Variants in PIK3CB observed in about 807,000 individuals in gnomAD.
The protein encoded by PIK3CB is phosphatidylinositol 4,5-bisphosphate 3-kinase catalytic subunit beta isoform.
PIK3CB carries 39 observed loss-of-function variants against 136.8 expected under a neutral mutation model. The observed-to-expected ratio is 0.29, with a 90% confidence interval of 0.22 to 0.37. The LOEUF is 0.37. Ranked by LOEUF, PIK3CB falls within the 10% of genes least tolerant of loss-of-function variation. The pLI is 1.00. For synonymous variants in PIK3CB, 428 were observed against 436.6 expected, an observed-to-expected ratio of 0.98 and a Z score of 0.25; for missense variants, 868 against 1,275.4, an observed-to-expected ratio of 0.68 and a Z score of 4.87.
chr3:138,783,893 A>T (rs2045946618), intron 2 of PIK3CB, among the ~76,000 whole-genome samples: 2 of 152,212 alleles, frequency 1.3e-5, no homozygotes, highest in South Asian at 4.1e-4. Context: ...AATTGGGATA[A>T]TAATTAGTTT....
chr3:138,718,989 G>A (rs1208191186), intron 8 of PIK3CB, among the ~76,000 whole-genome samples: 1 of 152,090 alleles, frequency 6.6e-6, no homozygotes, highest in East Asian at 1.9e-4. Context: ...TCAGGATTAA[G>A]TAGTCACACC....
In PIK3CB at chr3:138,756,285, G is replaced by A. The variant is rs1393172250; in HGVS notation, c.172-306C>T. Among the ~76,000 whole-genome samples the A allele has an allele frequency of 1.3e-5, 2 of 152,096 alleles. 1 individual carries two copies. The highest frequency in any genetic ancestry group is 2.9e-5 in the Non-Finnish European group (2 of 68,006). ...TATATGGTATTATCCCATGTTTGTAGGGTAATATAATGGCATAGTGCACAA... is the reference window on the plus strand; with the variant it reads ...TATATGGTATTATCCCATGTTTGTAAGGTAATATAATGGCATAGTGCACAA... On this transcript the variant is annotated intron_variant, in intron 3 of 23. Transcript: ENST00000674063.
chr3:138,760,092 T>G (rs1440562514), intron 2 of PIK3CB, among the ~76,000 whole-genome samples: 1 of 152,070 alleles, frequency 6.6e-6, no homozygotes, highest in Non-Finnish European at 1.5e-5. Flanking sequence ...TGGCTAAATT[T>G]TTTGTATTTT....
chr3:138,731,019 A>G (rs2044960766), intron 8 of PIK3CB, among the ~76,000 whole-genome samples: 1 of 152,214 alleles, frequency 6.6e-6, no homozygotes, highest in African/African-American at 2.4e-5. Flanking sequence ...CATATTATAA[A>G]GTGAATAAAT....
At chr3:138,727,266 G>C (rs1417950320) in intron 8 of PIK3CB, among the ~76,000 whole-genome samples, 1 of 152,174 alleles carries the variant, frequency 6.6e-6, no homozygotes, top group Non-Finnish European at 1.5e-5. Flanking sequence ...AAATACGATG[G>C]ATTAGACGCC....
chr3:138,805,750 T>C (rs1392395640), intron 1 of PIK3CB, among the ~76,000 whole-genome samples: 1 of 151,568 alleles, frequency 6.6e-6, no homozygotes, highest in Non-Finnish European at 1.5e-5. Context: ...TTTTGTTTTT[T>C]GAGAGAGTCT....
intron 2 of PIK3CB, among the ~76,000 whole-genome samples, chr3:138,764,368 T>C (rs2045705348): frequency 6.6e-6 from 1 of 151,458 alleles, no homozygotes; most frequent in South Asian, 2.1e-4. Flanking sequence ...GGAGGATCAC[T>C]TGAGCCCAGG....
At chr3:138,830,326 G>A (rs759851904) in intron 1 of PIK3CB, among the ~76,000 whole-genome samples, 30 of 152,142 alleles carry the variant, frequency 2.0e-4, no homozygotes, top group Non-Finnish European at 3.5e-4. Context: ...GAGGTGGGCG[G>A]ATCACCTGAG....
At chr3:138,730,146 T>C (rs1333077441) in intron 8 of PIK3CB, among the ~76,000 whole-genome samples, 1 of 152,202 alleles carries the variant, frequency 6.6e-6, no homozygotes, top group African/African-American at 2.4e-5. Flanking sequence ...ACTACAGTGC[T>C]AGGTACGGTG....
intron 6 of PIK3CB, among the ~76,000 whole-genome samples, chr3:138,736,549 C>T (rs565408038): frequency 6.6e-6 from 1 of 152,254 alleles, no homozygotes; most frequent in African/African-American, 2.4e-5. Flanking sequence ...ATTTTTTAGT[C>T]TCCAAGATAT....
chr3:138,659,844 G>T (rs906195912), intron 21 of PIK3CB, among the ~76,000 whole-genome samples: 1 of 136,712 alleles, frequency 7.3e-6, no homozygotes, highest in East Asian at 2.2e-4. Flanking sequence ...TATTTGCTTA[G>T]TAAGTGCCCT....
Position 138,689,382 on chromosome 3 carries a change from C to T in PIK3CB, c.2037-408G>A, listed in dbSNP as rs369396331. The stretch of plus-strand genomic sequence containing the variant: ...GCTCGAATGTGGATGGGGTGGCCAG[C>T]CCCTTCATACTTGCGATTCTCCTGC... On this transcript the variant is annotated intron_variant, in intron 15 of 23. Coordinates refer to ENST00000674063, the MANE Select transcript of PIK3CB (RefSeq NM_006219.3). Among the ~76,000 whole-genome samples, 3 of 152,334 alleles carry T rather than the reference C, an allele frequency of 2.0e-5. No individual in the cohort carries two copies. The East Asian group carries it at 5.8e-4, about 29-fold the overall frequency.
At chr3:138,737,644 AATAT>A (rs372468230) in intron 6 of PIK3CB, 59 bp downstream of exon 6, 6,757 of 456,448 alleles carry the variant, frequency 0.015, 251 homozygotes, top group African/African-American at 0.1. Context: ...TCAGAAATAA[AATAT>A]ATATATATAT....
At chr3:138,676,927 T>C (rs969677464) in intron 19 of PIK3CB, among the ~76,000 whole-genome samples, 1 of 152,180 alleles carries the variant, frequency 6.6e-6, no homozygotes, top group Non-Finnish European at 1.5e-5. Flanking sequence ...GTAGTGATGG[T>C]TGCACAACTC....
At chr3:138,684,596 GA>G (rs1467387386) in intron 17 of PIK3CB, 28 bp downstream of exon 17, 1 of 1,538,092 alleles carries the variant, frequency 6.5e-7, no homozygotes, top group Admixed American at 2.0e-5. Flanking sequence ...ATTCATAGGA[GA>G]TTCACTGCGC....
chr3:138,744,353 T>C (rs534702287), intron 4 of PIK3CB, among the ~76,000 whole-genome samples: 3 of 120,392 alleles, frequency 2.5e-5, no homozygotes, highest in Non-Finnish European at 4.8e-5. Flanking sequence ...CGAGATTGTG[T>C]CACTGCACTC....
intron 1 of PIK3CB, among the ~76,000 whole-genome samples, chr3:138,813,710 C>A (rs1402642501): frequency 6.6e-6 from 1 of 152,024 alleles, no homozygotes; most frequent in Admixed American, 6.6e-5. Flanking sequence ...AGCCACCGCG[C>A]CCAGCCGATT....
intron 1 of PIK3CB, among the ~76,000 whole-genome samples, chr3:138,832,751 C>T (rs1404974740): frequency 6.6e-6 from 1 of 151,684 alleles, no homozygotes; most frequent in Non-Finnish European, 1.5e-5. Flanking sequence ...ATCGCTTGAA[C>T]CCGGGAGGCG....
chr3:138,745,094 T>A (rs114097900), intron 4 of PIK3CB, among the ~76,000 whole-genome samples: 249 of 152,368 alleles, frequency 1.6e-3, no homozygotes, highest in African/African-American at 5.6e-3. Flanking sequence ...TTTTTCTATA[T>A]GAACGATGGC....
Sources: allele counts gnomAD v4.1 joint callset (sites outside exome capture counted in the v4.1 genomes callset), GRCh38; gene constraint gnomAD v4.1.1; transcripts MANE v1.5; gene names NCBI Gene and HGNC (gene_info 2026-07-23, HGNC 2026-07-21).